Variants in KDM4C observed in about 807,000 individuals in gnomAD.
KDM4C encodes lysine demethylase 4C.
A neutral mutation model predicts 129.3 loss-of-function variants in KDM4C; 81 were observed. The ratio of observed to expected loss-of-function variants is 0.63; its 90% CI spans 0.52 to 0.75. The LOEUF (loss-of-function observed/expected upper bound fraction) is 0.75. KDM4C is among the 30% of genes least tolerant of loss of function. The pLI is 0.00. For missense variants in KDM4C, 1,457 were observed against 1,304.0 expected (o/e 1.12, Z -1.81); for synonymous variants, 573 against 456.1 (o/e 1.26, Z -3.26).
At chr9:6,991,830 G>GT (rs1165049884) in intron 12 of KDM4C, among the ~76,000 whole-genome samples, 9 of 150,928 alleles carry the variant, frequency 6.0e-5, no homozygotes. Context: ...GAGCTCAGGA[G>GT]TTTAAGACCA....
chr9:6,875,669 C>T (rs555191877), intron 5 of KDM4C, among the ~76,000 whole-genome samples: 1 of 152,220 alleles, frequency 6.6e-6, no homozygotes, highest in Non-Finnish European at 1.5e-5. Context: ...ACACTAACTG[C>T]CATATGATAG....
At chr9:7,091,605 A>G (rs1017032599) in intron 17 of KDM4C, among the ~76,000 whole-genome samples, 1 of 152,248 alleles carries the variant, frequency 6.6e-6, no homozygotes, top group Non-Finnish European at 1.5e-5. Context: ...AAACATGGCT[A>G]CAAGAACAAA....
At chr9:7,122,286 T>TCTCTCTCTCTCTC (rs1554752013) in intron 18 of KDM4C, among the ~76,000 whole-genome samples, 5 of 87,720 alleles carry the variant, frequency 5.7e-5, no homozygotes, top group African/African-American at 2.0e-4. Flanking sequence ...CTCTCTCTCT[T>TCTCTCTCTCTCTC]AAACAGCCAG....
rs566669046 is a variant in KDM4C at position 6,993,298 on chromosome 9, T to A, written c.1786+2774T>A. On this transcript the variant is annotated intron_variant, in intron 12 of 21. Coordinates refer to ENST00000381309, the MANE Select transcript of KDM4C (RefSeq NM_015061.6). Reference sequence around the variant, plus strand: ...ATGTTAAATATATACTACATGTTTATATTTTATAACTTAAATGAAAATACT... The same window carrying A: ...ATGTTAAATATATACTACATGTTTAAATTTTATAACTTAAATGAAAATACT... 2.0e-5 allele frequency among the ~76,000 whole-genome samples: 3 copies of A among 152,368 alleles called. No homozygotes were observed. In the South Asian group the frequency reaches 6.2e-4, roughly 32 times the overall value.
At chr9:6,959,154 A>G (rs1381070488) in intron 8 of KDM4C, among the ~76,000 whole-genome samples, 1 of 152,128 alleles carries the variant, frequency 6.6e-6, no homozygotes, top group Non-Finnish European at 1.5e-5. Context: ...TTACCCCCAA[A>G]CACTACTTTT....
At chr9:7,000,869 G>C (rs952469518) in intron 12 of KDM4C, among the ~76,000 whole-genome samples, 1 of 152,128 alleles carries the variant, frequency 6.6e-6, no homozygotes, top group Non-Finnish European at 1.5e-5. Flanking sequence ...TGAAGATGTA[G>C]AATCAGCATG....
intron 12 of KDM4C, among the ~76,000 whole-genome samples, chr9:6,998,997 T>G (rs551640545): frequency 4.6e-5 from 7 of 152,354 alleles, no homozygotes; most frequent in African/African-American, 1.7e-4. Context: ...CCCCGTGTCT[T>G]GTAGTCATTG....
intron 5 of KDM4C, among the ~76,000 whole-genome samples, chr9:6,859,864 C>T (rs1001154743): frequency 1.2e-4 from 10 of 85,304 alleles, no homozygotes; most frequent in Non-Finnish European, 2.0e-4. Context: ...GACTCCGTCT[C>T]AAAAAAAAAA....
At chr9:6,732,640 C>T (rs190021312) in intron 1 of KDM4C, among the ~76,000 whole-genome samples, 1 of 152,298 alleles carries the variant, frequency 6.6e-6, no homozygotes, top group East Asian at 1.9e-4. Flanking sequence ...ACACAGGTAT[C>T]AACCAGAAAG....
intron 8 of KDM4C, among the ~76,000 whole-genome samples, chr9:6,900,809 CATTTT>C (rs1817275865): frequency 1.3e-5 from 2 of 152,148 alleles, no homozygotes; most frequent in Admixed American, 6.5e-5. Context: ...CCTTCTCTTT[CATTTT>C]ATCAAGTGTG....
intron 19 of KDM4C, among the ~76,000 whole-genome samples, chr9:7,155,626 C>A (rs140463157): frequency 2.1e-4 from 32 of 152,034 alleles, no homozygotes; most frequent in Non-Finnish European, 2.2e-4. Flanking sequence ...TCTGTCCTTG[C>A]GATAGTTTGC....
At chr9:6,801,978 ACC>A (rs1364121933) in intron 2 of KDM4C, among the ~76,000 whole-genome samples, 2 of 151,800 alleles carry the variant, frequency 1.3e-5, no homozygotes, top group Non-Finnish European at 2.9e-5. Flanking sequence ...GGTGGCAGGC[ACC>A]TGTAATCCCA....
chr9:6,839,374 C>T (rs528348113), intron 4 of KDM4C, among the ~76,000 whole-genome samples: 14 of 149,848 alleles, frequency 9.3e-5, no homozygotes, highest in Non-Finnish European at 1.8e-4. Context: ...GGACTACAGG[C>T]GCTTGCCACC....
intron 1 of KDM4C, among the ~76,000 whole-genome samples, chr9:6,769,216 T>C (rs1821268038): frequency 6.6e-6 from 1 of 152,156 alleles, no homozygotes; most frequent in South Asian, 2.1e-4. Flanking sequence ...GTTTTTTTTT[T>C]CCATGCAATC....
At chr9:6,786,839 G>A (rs545222269) in intron 1 of KDM4C, among the ~76,000 whole-genome samples, 1 of 152,250 alleles carries the variant, frequency 6.6e-6, no homozygotes, top group African/African-American at 2.4e-5. Context: ...AAATGGCTAT[G>A]TGTGTTCAAA....
At chr9:6,786,296 TAA>T (rs1168082953) in intron 1 of KDM4C, among the ~76,000 whole-genome samples, 1 of 152,214 alleles carries the variant, frequency 6.6e-6, no homozygotes, top group African/African-American at 2.4e-5. Flanking sequence ...TATCATAATG[TAA>T]AAATTTTCAG....
chr9:6,769,601 G>T (rs1444277218), intron 1 of KDM4C, among the ~76,000 whole-genome samples: 1 of 151,620 alleles, frequency 6.6e-6, no homozygotes, highest in Non-Finnish European at 1.5e-5. Context: ...GCACAGTAAA[G>T]AACCAAGCAA....
chr9:6,931,480 A>C lies in KDM4C; in HGVS notation c.921+38248A>C, dbSNP rs1481617078. 8.6e-5 allele frequency among the ~76,000 whole-genome samples: 13 copies of C among 151,810 alleles called. 1 individual carries two copies. Among genetic ancestry groups the C allele is most frequent in the Admixed American group, 8.5e-4 (13 of 15,220 alleles). Reference sequence around the variant, plus strand: ...TAGTTTTGTTGGGTCTGTGGATGTCAGTAAGCAATAGTCATATATATATAT... The same window carrying C: ...TAGTTTTGTTGGGTCTGTGGATGTCCGTAAGCAATAGTCATATATATATAT... On this transcript the variant is annotated intron_variant, in intron 8 of 21. Transcript: ENST00000381309.
At chr9:6,859,156 C>T (rs1315831319) in intron 5 of KDM4C, among the ~76,000 whole-genome samples, 2 of 152,058 alleles carry the variant, frequency 1.3e-5, no homozygotes, top group Admixed American at 6.6e-5. Flanking sequence ...TTGATGTTTG[C>T]CAGGAACCAT....
Sources: gnomAD v4.1 joint callset for allele counts (sites outside exome capture counted in the v4.1 genomes callset) on GRCh38, gnomAD v4.1.1 for gene constraint, MANE v1.5 for transcripts, NCBI Gene and HGNC (gene_info 2026-07-23, HGNC 2026-07-21) for gene names.